Variants in ATXN7L1 observed in about 807,000 individuals in gnomAD.
ATXN7L1 encodes ataxin 7 like 1.
Under a neutral mutation model 70.8 loss-of-function variants are expected in ATXN7L1, and 15 were observed. The ratio of observed to expected loss-of-function variants is 0.21; its 90% CI spans 0.14 to 0.33. The LOEUF (loss-of-function observed/expected upper bound fraction) is 0.33. Ranked by LOEUF, ATXN7L1 falls within the 10% of genes least tolerant of loss-of-function variation. The probability of loss-of-function intolerance (pLI) is 1.00; values close to 1 mark genes in which losing one functional copy is unlikely to be tolerated. For synonymous variants in ATXN7L1, 440 were observed against 445.1 expected, an observed-to-expected ratio of 0.99 and a Z score of 0.14; for missense variants, 975 against 1,097.1, an observed-to-expected ratio of 0.89 and a Z score of 1.57.
At chr7:105,777,532 C>A (rs1369948317) in intron 3 of ATXN7L1, among the ~76,000 whole-genome samples, 1 of 152,222 alleles carries the variant, frequency 6.6e-6, no homozygotes, top group Non-Finnish European at 1.5e-5. Context: ...TGGCCATTCT[C>A]CTTCAACCTA....
intron 3 of ATXN7L1, among the ~76,000 whole-genome samples, chr7:105,727,633 C>T (rs1339184851): frequency 5.3e-4 from 75 of 142,742 alleles, no homozygotes; most frequent in African/African-American, 1.9e-3. Context: ...AGTGCCATTG[C>T]ACTCCAGCCT....
intron 3 of ATXN7L1, among the ~76,000 whole-genome samples, chr7:105,721,589 G>A (rs1415813686): frequency 5.3e-5 from 8 of 152,242 alleles, no homozygotes; most frequent in Admixed American, 4.6e-4. Context: ...CTCTGGTCGG[G>A]GACAAGGGGA....
chr7:105,813,495 G>A lies in ATXN7L1; in HGVS notation c.251-24787C>T, dbSNP rs1475518881. ...TGGGATTATAGGCATGTGCCACCAC[G>A]CCCAGCTAATTTTGTATTTTTAGTA... On this transcript the variant is annotated intron_variant, in intron 2 of 11. Coordinates refer to ENST00000419735, the MANE Select transcript of ATXN7L1 (RefSeq NM_020725.2). 3.3e-5 allele frequency among the ~76,000 whole-genome samples: 5 copies of A among 152,120 alleles called. 1 individual carries two copies. The highest frequency in any genetic ancestry group is 6.8e-3 in the Middle Eastern group (2 of 294).
intron 3 of ATXN7L1, among the ~76,000 whole-genome samples, chr7:105,779,389 G>A (rs1803215826): frequency 6.6e-6 from 1 of 152,320 alleles, no homozygotes; most frequent in South Asian, 2.1e-4. Context: ...AGGTCAACCT[G>A]CTATGTTCTG....
chr7:105,798,850 G>A (rs1267989631), intron 2 of ATXN7L1, among the ~76,000 whole-genome samples: 1 of 152,192 alleles, frequency 6.6e-6, no homozygotes, highest in Non-Finnish European at 1.5e-5. Flanking sequence ...AAAAAGATAG[G>A]AATCCCAGGC....
rs778106575 is a variant in ATXN7L1, at chr7:105,610,646, C to T, written c.2473-43G>A. On this transcript the variant is annotated intron_variant, in intron 10 of 11. Coordinates refer to ENST00000419735, the MANE Select transcript of ATXN7L1 (RefSeq NM_020725.2). Reference sequence around the variant, plus strand: ...AGCCCCACTCAGACACACGAGCCAGCCTGGGAAGGGCCCGCCGATGCCACA... The same window carrying T: ...AGCCCCACTCAGACACACGAGCCAGTCTGGGAAGGGCCCGCCGATGCCACA... 9.9e-6 allele frequency: 15 copies of T among 1,518,182 alleles called. No individual in the cohort carries two copies. In the Admixed American group the frequency reaches 3.0e-4, roughly 30 times the overall value. The allele number at this position is 1,518,182 out of a possible 1,614,324, so 94.0% of individuals were successfully genotyped here. A position where few individuals can be genotyped will look rare whatever the true frequency, so the allele number is the denominator to read the frequency against.
At chr7:105,811,695 G>A (rs957662436) in intron 2 of ATXN7L1, among the ~76,000 whole-genome samples, 2 of 152,118 alleles carry the variant, frequency 1.3e-5, no homozygotes, top group Admixed American at 6.5e-5. Flanking sequence ...GAAGGGAAGA[G>A]GGCCAAGGAT....
intron 2 of ATXN7L1, among the ~76,000 whole-genome samples, chr7:105,861,129 G>A (rs1442584401): frequency 1.4e-4 from 21 of 152,164 alleles, no homozygotes; most frequent in Admixed American, 1.4e-3. Context: ...CAGAGGGCAG[G>A]CAGAGGCAGA....
intron 9 of ATXN7L1, among the ~76,000 whole-genome samples, chr7:105,618,569 G>C (rs1794268713): frequency 6.6e-6 from 1 of 152,138 alleles, no homozygotes; most frequent in Non-Finnish European, 1.5e-5. Context: ...TAGCTGCCTG[G>C]GGGAGAGGAG....
intron 2 of ATXN7L1, among the ~76,000 whole-genome samples, chr7:105,799,373 C>T (rs1344924965): frequency 3.3e-5 from 5 of 152,162 alleles, no homozygotes; most frequent in African/African-American, 1.2e-4. Flanking sequence ...GGGGTTATAT[C>T]AGTGTTCTGC....
intron 3 of ATXN7L1, among the ~76,000 whole-genome samples, chr7:105,668,536 C>T (rs769728044): frequency 6.6e-6 from 1 of 152,062 alleles, no homozygotes; most frequent in Non-Finnish European, 1.5e-5. Context: ...TTCTCAAGAT[C>T]TCAGTCTCCC....
At chr7:105,815,472 C>T (rs1434400985) in intron 2 of ATXN7L1, among the ~76,000 whole-genome samples, 2 of 152,156 alleles carry the variant, frequency 1.3e-5, no homozygotes, top group Non-Finnish European at 2.9e-5. Flanking sequence ...CTGGGCTTTT[C>T]ATTAGTAACA....
chr7:105,806,997 T>G (rs1432764663), intron 2 of ATXN7L1, among the ~76,000 whole-genome samples: 1 of 152,328 alleles, frequency 6.6e-6, no homozygotes, highest in South Asian at 2.1e-4. Context: ...AGCAGAGCCT[T>G]CTTTTCCCTT....
At chr7:105,843,033 G>A (rs1022893097) in intron 2 of ATXN7L1, among the ~76,000 whole-genome samples, 18 of 152,140 alleles carry the variant, frequency 1.2e-4, no homozygotes, top group African/African-American at 3.6e-4. Context: ...TAAAAGATAC[G>A]AAATCTTCAG....
chr7:105,849,685 C>T (rs1267472410), intron 2 of ATXN7L1, among the ~76,000 whole-genome samples: 1 of 152,188 alleles, frequency 6.6e-6, no homozygotes, highest in Non-Finnish European at 1.5e-5. Context: ...TCACCAGGGG[C>T]CCTGAGGTCA....
intron 9 of ATXN7L1, among the ~76,000 whole-genome samples, chr7:105,619,184 G>A (rs1363554811): frequency 9.9e-6 from 1 of 101,398 alleles, no homozygotes; most frequent in East Asian, 3.4e-4. Flanking sequence ...GTCTCCCTCT[G>A]TCACCCAGGG....
chr7:105,743,869 C>A (rs665085), intron 3 of ATXN7L1, among the ~76,000 whole-genome samples: 2,750 of 152,298 alleles, frequency 0.018, 94 homozygotes, highest in East Asian at 0.13. Flanking sequence ...TAGATGACAG[C>A]AATCCTGAAC....
intron 3 of ATXN7L1, among the ~76,000 whole-genome samples, chr7:105,691,969 C>T (rs1001060005): frequency 6.6e-6 from 1 of 152,220 alleles, no homozygotes; most frequent in Non-Finnish European, 1.5e-5. Context: ...AACCGGCTGC[C>T]TCGTGCGGGT....
chr7:105,828,626 C>A (rs1394499053), intron 2 of ATXN7L1, among the ~76,000 whole-genome samples: 1 of 152,188 alleles, frequency 6.6e-6, no homozygotes, highest in Non-Finnish European at 1.5e-5. Context: ...CTGTACTAAG[C>A]ACTTTGTAAG....
Sources: allele counts gnomAD v4.1 joint callset (sites outside exome capture counted in the v4.1 genomes callset), GRCh38; gene constraint gnomAD v4.1.1; transcripts MANE v1.5; gene names NCBI Gene and HGNC (gene_info 2026-07-23, HGNC 2026-07-21).